The following TASP1 variants were observed in gnomAD, a reference collection of about 807,000 sequenced individuals.
The protein encoded by TASP1 is taspase 1, also known as threonine aspartase 1.
In TASP1, 16 loss-of-function variants were observed where a neutral mutation model predicts 56.6. The observed-to-expected ratio is 0.28, with a 90% CI of 0.19 to 0.43. The LOEUF (loss-of-function observed/expected upper bound fraction) is 0.43. Ranked by LOEUF, TASP1 falls within the 20% of genes least tolerant of loss-of-function variation. The pLI is 1.00. For synonymous variants in TASP1, 179 were observed against 184.2 expected (o/e 0.97, Z 0.23); for missense variants, 393 against 511.6 (o/e 0.77, Z 2.24).
chr20:13,124,502 CA>C, the TASP1 span, among the ~76,000 whole-genome samples: 5 of 149,580 alleles, frequency 3.3e-5, no homozygotes, highest in Non-Finnish European at 5.9e-5. Flanking sequence ...AAGGAAGAAA[CA>C]AAAAAACAAA....
At chr20:13,279,295 G>A in the TASP1 span, among the ~76,000 whole-genome samples, 1 of 152,174 alleles carries the variant, frequency 6.6e-6, no homozygotes, top group South Asian at 2.1e-4. Context: ...ACCACATGGA[G>A]GAGAGACAAA....
At chr20:13,615,402 A>G (rs1426893759) in intron 4 of TASP1, among the ~76,000 whole-genome samples, 1 of 152,156 alleles carries the variant, frequency 6.6e-6, no homozygotes, top group African/African-American at 2.4e-5. Flanking sequence ...GCTGATTTCT[A>G]TAGTGAGGTA....
At chr20:13,127,176 A>C in the TASP1 span, among the ~76,000 whole-genome samples, 1 of 152,244 alleles carries the variant, frequency 6.6e-6, no homozygotes, top group Non-Finnish European at 1.5e-5. Context: ...GACAAAACAC[A>C]CACAATAAGC....
the TASP1 span, among the ~76,000 whole-genome samples, chr20:13,129,250 C>T: frequency 2.6e-5 from 4 of 152,280 alleles, no homozygotes; most frequent in African/African-American, 9.6e-5. Context: ...GATTTGCCCA[C>T]CCCAGGCTCC....
At chr20:13,184,334 G>A in the TASP1 span, among the ~76,000 whole-genome samples, 1 of 152,228 alleles carries the variant, frequency 6.6e-6, no homozygotes, top group African/African-American at 2.4e-5. Context: ...TGATTTAATT[G>A]TATTGTAATA....
chr20:13,495,482 T>C (rs1345162877), intron 10 of TASP1, among the ~76,000 whole-genome samples: 5 of 152,018 alleles, frequency 3.3e-5, no homozygotes, highest in Non-Finnish European at 7.4e-5. Context: ...AAGGAGAAAA[T>C]AGTATTCATA....
the TASP1 span, among the ~76,000 whole-genome samples, chr20:13,280,907 G>A: frequency 3.3e-5 from 5 of 152,216 alleles, no homozygotes; most frequent in South Asian, 6.2e-4. Context: ...TGCACCCATC[G>A]TCATGATTTT....
chr20:13,332,265 G>A, the TASP1 span, among the ~76,000 whole-genome samples: 627 of 152,312 alleles, frequency 4.1e-3, 1 homozygote, highest in Non-Finnish European at 6.8e-3. Flanking sequence ...AAATGAAAAT[G>A]TGGGGCCCCT....
intron 4 of TASP1, among the ~76,000 whole-genome samples, chr20:13,593,645 G>A (rs749960161): frequency 4.6e-5 from 7 of 152,182 alleles, no homozygotes; most frequent in East Asian, 1.9e-4. Context: ...AGCCTGGTGC[G>A]GGAAGGGGCG....
At chr20:13,268,473 A>G in the TASP1 span, among the ~76,000 whole-genome samples, 1 of 150,186 alleles carries the variant, frequency 6.7e-6, no homozygotes, top group African/African-American at 2.4e-5. Flanking sequence ...ATGTCAGGGC[A>G]ACTCCCTCTA....
rs6131489 is a variant in TASP1 at position 13,574,511 on chromosome 20, C to T, written c.489-4925G>A. ...GAAAAATCATTCAATCGAAAACAAT[C>T]CATAAATAACAAAGATAACAGAATT... On this transcript the variant is annotated intron_variant, in intron 6 of 13. Transcript: ENST00000337743. Among the ~76,000 whole-genome samples, 696 of 152,156 alleles carry T rather than the reference C, an allele frequency of 4.6e-3. 25 individuals carry two copies. The East Asian group carries it at 0.11, about 23-fold the overall frequency.
chr20:13,258,786 T>C, the TASP1 span, among the ~76,000 whole-genome samples: 4 of 152,116 alleles, frequency 2.6e-5, no homozygotes, highest in African/African-American at 4.8e-5. Flanking sequence ...TGCCTTCTGG[T>C]GCATGGCCTT....
intron 11 of TASP1, among the ~76,000 whole-genome samples, chr20:13,471,894 G>C (rs1438461622): frequency 6.6e-6 from 1 of 152,070 alleles, no homozygotes; most frequent in African/African-American, 2.4e-5. Context: ...AAGCGCAAGG[G>C]GTCAGAGGAT....
the TASP1 span, among the ~76,000 whole-genome samples, chr20:13,183,442 T>C: frequency 6.6e-6 from 1 of 152,240 alleles, no homozygotes; most frequent in South Asian, 2.1e-4. Context: ...GATACAAGTA[T>C]ATTTTAATAA....
At chr20:13,234,870 C>G in the TASP1 span, among the ~76,000 whole-genome samples, 4 of 152,098 alleles carry the variant, frequency 2.6e-5, no homozygotes, top group Admixed American at 2.6e-4. Context: ...TTATCAGATG[C>G]AAATATTTTT....
the TASP1 span, among the ~76,000 whole-genome samples, chr20:13,295,930 G>A: frequency 6.6e-6 from 1 of 152,356 alleles, no homozygotes; most frequent in African/African-American, 2.4e-5. Flanking sequence ...CTCTGAGCAG[G>A]ACACTTGTGG....
At chr20:13,602,116 T>C (rs1369773318) in intron 4 of TASP1, among the ~76,000 whole-genome samples, 3 of 151,872 alleles carry the variant, frequency 2.0e-5, no homozygotes, top group Non-Finnish European at 4.4e-5. Context: ...CCTGACCTCG[T>C]GATCTGCCCT....
At chr20:13,295,975 C>T in the TASP1 span, among the ~76,000 whole-genome samples, 3 of 152,364 alleles carry the variant, frequency 2.0e-5, no homozygotes, top group African/African-American at 7.2e-5. Flanking sequence ...CAGGAGCAAC[C>T]TGGTGTCACG....
chr20:13,526,373 C>G (rs774096327), intron 10 of TASP1, among the ~76,000 whole-genome samples: 28 of 152,124 alleles, frequency 1.8e-4, no homozygotes, highest in Non-Finnish European at 3.2e-4. Flanking sequence ...TTGAGACAAT[C>G]AAAATGCAAC....
Sources: gnomAD v4.1 joint callset for allele counts (sites outside exome capture counted in the v4.1 genomes callset) on GRCh38, gnomAD v4.1.1 for gene constraint, MANE v1.5 for transcripts, NCBI Gene and HGNC (gene_info 2026-07-23, HGNC 2026-07-21) for gene names.